The following CAP2 variants were observed in gnomAD, a reference collection of about 807,000 sequenced individuals.
CAP2 encodes cyclase associated actin cytoskeleton regulatory protein 2.
CAP2 carries 24 observed loss-of-function variants against 57.7 expected under a neutral mutation model. The observed-to-expected ratio is 0.42, with a 90% CI of 0.30 to 0.58. The LOEUF is 0.58. Among genes scored for constraint, CAP2 ranks in the 20% least tolerant of loss-of-function variants. The pLI, the probability that CAP2 is intolerant of heterozygous loss-of-function variation, is 0.22. For missense variants in CAP2, 501 were observed against 590.3 expected, an observed-to-expected ratio of 0.85 and a Z score of 1.57; for synonymous variants, 194 against 207.2, an observed-to-expected ratio of 0.94 and a Z score of 0.55.
chr6:17,396,283 A>G (rs1758661691), intron 1 of CAP2, among the ~76,000 whole-genome samples: 1 of 152,210 alleles, frequency 6.6e-6, no homozygotes, highest in Non-Finnish European at 1.5e-5. Context: ...ATGACCTAGC[A>G]ATTCCATTGT....
intron 7 of CAP2, among the ~76,000 whole-genome samples, chr6:17,532,028 C>T (rs1762655050): frequency 6.6e-6 from 1 of 151,906 alleles, no homozygotes. Context: ...GTTTAGTAGA[C>T]TGACAAAGCA....
At chr6:17,545,501 C>G (rs1763020740) in intron 11 of CAP2, among the ~76,000 whole-genome samples, 1 of 152,044 alleles carries the variant, frequency 6.6e-6, no homozygotes, top group Non-Finnish European at 1.5e-5. Context: ...ATATGTCTAC[C>G]TAAAAATTTA....
In CAP2 at chr6:17,527,591, C is replaced by CTCTT. The variant is rs1283363458; in HGVS notation, c.637-11672_637-11669dup. Among the ~76,000 whole-genome samples, 427 of 118,544 alleles carry CTCTT rather than the reference C, an allele frequency of 3.6e-3. 3 individuals carry two copies. The highest frequency in any genetic ancestry group is 0.014 in the African/African-American group (397 of 28,904). The allele number at this position is 118,544 out of a possible 152,430, so 77.8% of individuals were successfully genotyped here. ...CATTATATTCTTTTTCATTTTTGTT[C>CTCTT]TCTTTCTTTTTTTTTTTTTTTTTGA... On this transcript the variant is annotated intron_variant, in intron 7 of 12. Coordinates refer to ENST00000229922, the MANE Select transcript of CAP2 (RefSeq NM_006366.3).
At chr6:17,543,182 G>A in intron 11 of CAP2, 39 bp downstream of exon 11, 2 of 1,535,304 alleles carry the variant, frequency 1.3e-6, no homozygotes, top group South Asian at 2.3e-5. Flanking sequence ...AATAAGCAGA[G>A]CCTTTCCAAC....
chr6:17,441,790 A>T (rs1462684638), intron 3 of CAP2, among the ~76,000 whole-genome samples: 2 of 152,210 alleles, frequency 1.3e-5, no homozygotes, highest in Non-Finnish European at 2.9e-5. Context: ...TGGCCTTAAA[A>T]ATATACATTT....
chr6:17,494,507 C>G (rs7743872), intron 4 of CAP2, among the ~76,000 whole-genome samples: 1 of 151,902 alleles, frequency 6.6e-6, no homozygotes, highest in Non-Finnish European at 1.5e-5. Context: ...ATTCAAATGT[C>G]ACCTTCTCAA....
chr6:17,404,919 C>CAA (rs375008534), intron 1 of CAP2, among the ~76,000 whole-genome samples: 15,793 of 151,962 alleles, frequency 0.1, 2,728 homozygotes, highest in African/African-American at 0.36. Flanking sequence ...AGGCACTCAC[C>CAA]AGAAGGTATT....
At chr6:17,447,158 G>A (rs1760280403) in intron 3 of CAP2, among the ~76,000 whole-genome samples, 1 of 146,302 alleles carries the variant, frequency 6.8e-6, no homozygotes, top group South Asian at 2.2e-4. Flanking sequence ...AAGTAACTGC[G>A]ACCACAGGCA....
chr6:17,421,047 A>T (rs545241612), intron 1 of CAP2, among the ~76,000 whole-genome samples: 3 of 152,348 alleles, frequency 2.0e-5, no homozygotes, highest in East Asian at 3.9e-4. Flanking sequence ...ATGAAATACT[A>T]ATCAGTCAAA....
chr6:17,467,107 C>T (rs1760885224), intron 4 of CAP2, among the ~76,000 whole-genome samples: 2 of 152,128 alleles, frequency 1.3e-5, no homozygotes, highest in South Asian at 4.1e-4. Context: ...ATGCAAGTGA[C>T]CACTCTTGCT....
In CAP2 at chr6:17,543,547, G is replaced by A. The variant is rs182483613; in HGVS notation, c.1209+404G>A. On this transcript the variant is annotated intron_variant, in intron 11 of 12. Transcript: ENST00000229922. ...GAGGCGGGAGAATGGCGTGAACCCA[G>A]GAGGTGGAGCTTGCAGTGAGCGAGC... is the stretch of plus-strand genomic sequence containing the variant. Among the ~76,000 whole-genome samples, 1,116 of 150,352 alleles carry A rather than the reference G, an allele frequency of 7.4e-3. 15 individuals carry two copies. The highest frequency in any genetic ancestry group is 0.025 in the African/African-American group (1,028 of 40,778).
chr6:17,546,048 G>T (rs1337621046), intron 11 of CAP2, among the ~76,000 whole-genome samples: 2 of 152,192 alleles, frequency 1.3e-5, no homozygotes, highest in South Asian at 2.1e-4. Flanking sequence ...AATCCTTTGG[G>T]TATATACCCA....
intron 7 of CAP2, among the ~76,000 whole-genome samples, chr6:17,537,759 A>G (rs1340541566): frequency 6.6e-6 from 1 of 152,092 alleles, no homozygotes; most frequent in East Asian, 1.9e-4. Flanking sequence ...ATACAGTTCT[A>G]CTTGAGGGTT....
rs773266583 is a variant in CAP2, at chr6:17,438,433, G to GTTTTTTTTTTTTTTT, written c.222+11752_222+11766dup. Among the ~76,000 whole-genome samples the GTTTTTTTTTTTTTTT allele has an allele frequency of 2.4e-4, 14 of 58,374 alleles. 4 individuals are homozygous for GTTTTTTTTTTTTTTT. The highest frequency in any genetic ancestry group is 1.4e-3 in the African/African-American group (14 of 9,978). The allele number at this position is 58,374 out of a possible 152,430, so 38.3% of individuals were successfully genotyped here. A position where few individuals can be genotyped will look rare whatever the true frequency, so the allele number is the denominator to read the frequency against. ...TTTGCTTGTTTGACCATCCAGAAGTGTTTTTTTTTTTTTTTTTTTTTTTGA... is the reference window on the plus strand; with the variant it reads ...TTTGCTTGTTTGACCATCCAGAAGTGTTTTTTTTTTTTTTTTTTTTTTTTTTTTTTTTTTTTTTGA... On this transcript the variant is annotated intron_variant, in intron 3 of 12. Transcript: ENST00000229922.
chr6:17,545,621 A>G (rs1415302391), intron 11 of CAP2, among the ~76,000 whole-genome samples: 1 of 152,202 alleles, frequency 6.6e-6, no homozygotes, highest in African/African-American at 2.4e-5. Flanking sequence ...ATATGTATAC[A>G]TGTGCCATGT....
At chr6:17,527,992 C>T (rs1195671960) in intron 7 of CAP2, among the ~76,000 whole-genome samples, 4 of 152,194 alleles carry the variant, frequency 2.6e-5, no homozygotes, top group Non-Finnish European at 5.9e-5. Flanking sequence ...GAAAAGAAAT[C>T]ACCACCTATG....
At chr6:17,468,151 A>G (rs1027877787) in intron 4 of CAP2, among the ~76,000 whole-genome samples, 2 of 152,070 alleles carry the variant, frequency 1.3e-5, no homozygotes, top group Admixed American at 6.6e-5. Context: ...TAATAAGACC[A>G]CAGGCCATAG....
intron 4 of CAP2, among the ~76,000 whole-genome samples, chr6:17,495,976 C>T (rs1055000083): frequency 8.3e-6 from 1 of 121,172 alleles, no homozygotes; most frequent in African/African-American, 3.3e-5. Flanking sequence ...AGCAGCCCAT[C>T]CAGAGATGTT....
At chr6:17,521,979 C>T (rs1762403123) in intron 7 of CAP2, among the ~76,000 whole-genome samples, 1 of 151,886 alleles carries the variant, frequency 6.6e-6, no homozygotes, top group Non-Finnish European at 1.5e-5. Context: ...CGTGGTGGTG[C>T]AGACCTGTAA....
Sources: allele counts gnomAD v4.1 joint callset (sites outside exome capture counted in the v4.1 genomes callset), GRCh38; gene constraint gnomAD v4.1.1; transcripts MANE v1.5; gene names NCBI Gene and HGNC (gene_info 2026-07-23, HGNC 2026-07-21).